Variants in PCDH7 observed in about 807,000 individuals in gnomAD.
PCDH7 encodes protocadherin 7.
PCDH7 carries 17 observed loss-of-function variants against 58.9 expected under a neutral mutation model. That is an observed-to-expected ratio of 0.29 (90% CI 0.20 to 0.43). PCDH7 has a LOEUF of 0.43. Ranked by LOEUF, PCDH7 falls within the 20% of genes least tolerant of loss-of-function variation. The pLI, the probability that PCDH7 is intolerant of heterozygous loss-of-function variation, is 1.00. For synonymous variants in PCDH7, 664 were observed against 616.4 expected, an observed-to-expected ratio of 1.08 and a Z score of -1.14; for missense variants, 1,274 against 1,441.0, an observed-to-expected ratio of 0.88 and a Z score of 1.88.
chr4:30,854,629 T>C (rs1733220060), intron 1 of PCDH7, among the ~76,000 whole-genome samples: 1 of 152,036 alleles, frequency 6.6e-6, no homozygotes, highest in Admixed American at 6.6e-5. Context: ...CTTTGGGGGA[T>C]AAGCAGAAGG....
intron 1 of PCDH7, among the ~76,000 whole-genome samples, chr4:30,899,376 T>G (rs1739898580): frequency 6.6e-6 from 1 of 152,210 alleles, no homozygotes; most frequent in South Asian, 2.1e-4. Context: ...CTGGAAATTT[T>G]TGTTATATTC....
At chr4:30,878,679 G>A (rs574203615) in intron 1 of PCDH7, among the ~76,000 whole-genome samples, 4 of 152,020 alleles carry the variant, frequency 2.6e-5, no homozygotes, top group African/African-American at 4.8e-5. Context: ...CAAACCCCCC[G>A]TCTCTACTAA....
chr4:30,963,801 A>C (rs1352516613), intron 3 of PCDH7, among the ~76,000 whole-genome samples: 1 of 152,176 alleles, frequency 6.6e-6, no homozygotes. Context: ...GCCGAGGGAA[A>C]TTTTGACATG....
intron 1 of PCDH7, among the ~76,000 whole-genome samples, chr4:30,907,291 A>G (rs1741075119): frequency 6.6e-6 from 1 of 152,150 alleles, no homozygotes; most frequent in Non-Finnish European, 1.5e-5. Flanking sequence ...CTGCACAGCA[A>G]AAGAAACTAT....
At chr4:30,966,030 T>C (rs990150264) in intron 3 of PCDH7, among the ~76,000 whole-genome samples, 1 of 152,182 alleles carries the variant, frequency 6.6e-6, no homozygotes, top group Non-Finnish European at 1.5e-5. Flanking sequence ...GTAGATAACC[T>C]GGCCTTGTTA....
At chr4:31,091,959 G>A (rs972817138) in intron 3 of PCDH7, among the ~76,000 whole-genome samples, 2 of 151,870 alleles carry the variant, frequency 1.3e-5, no homozygotes, top group Non-Finnish European at 2.9e-5. Context: ...TCTGAAGTAC[G>A]ATGATTTCCA....
At chr4:31,056,558 G>A (rs1012957588) in intron 3 of PCDH7, among the ~76,000 whole-genome samples, 2 of 149,074 alleles carry the variant, frequency 1.3e-5, no homozygotes, top group African/African-American at 4.9e-5. Flanking sequence ...GAGAGAGAGA[G>A]GAAGGGAAGG....
intron 1 of PCDH7, among the ~76,000 whole-genome samples, chr4:30,820,828 A>G (rs755451868): frequency 5.9e-5 from 9 of 152,152 alleles, no homozygotes; most frequent in Non-Finnish European, 8.8e-5. Context: ...GCGATGACAC[A>G]TGAAGAAAAT....
chr4:30,824,860 T>C (rs539293394), intron 1 of PCDH7, among the ~76,000 whole-genome samples: 1 of 152,154 alleles, frequency 6.6e-6, no homozygotes, highest in Non-Finnish European at 1.5e-5. Context: ...ATCTGTGTTG[T>C]AGGAAAATAA....
chr4:31,041,759 T>A (rs1755887615), intron 3 of PCDH7, among the ~76,000 whole-genome samples: 1 of 152,160 alleles, frequency 6.6e-6, no homozygotes, highest in Non-Finnish European at 1.5e-5. Flanking sequence ...TGCTTCTTTA[T>A]GATGAAGATG....
intron 1 of PCDH7, among the ~76,000 whole-genome samples, chr4:30,905,480 C>A (rs914301494): frequency 2.7e-5 from 4 of 150,902 alleles, no homozygotes; most frequent in South Asian, 4.2e-4. Context: ...CAAAAAAAAA[C>A]CACAAAAATA....
At position 31,020,835 on chromosome 4, in the gene PCDH7, T is replaced by A. The variant is rs529890473; in HGVS notation, c.*7+70620T>A. On this transcript the variant is annotated intron_variant, in intron 3 of 3. Transcript: ENST00000509759. ...AATGCAGGGCTGTATATATTCCCAC[T>A]GTGAAATCCATGTTTGATTAGGATT... Among the ~76,000 whole-genome samples the A allele has an allele frequency of 3.3e-5, 5 of 152,334 alleles. No individual in the cohort carries two copies. In the East Asian group the frequency reaches 9.7e-4, roughly 29 times the overall value.
intron 1 of PCDH7, among the ~76,000 whole-genome samples, chr4:30,842,835 G>A (rs972570434): frequency 6.6e-6 from 1 of 152,142 alleles, no homozygotes; most frequent in African/African-American, 2.4e-5. Flanking sequence ...GCAGCAGGGG[G>A]CACGTTGGAT....
chr4:31,114,147 T>A (rs1716702031), intron 3 of PCDH7, among the ~76,000 whole-genome samples: 1 of 152,152 alleles, frequency 6.6e-6, no homozygotes, highest in Admixed American at 6.5e-5. Flanking sequence ...AATTTAAGCA[T>A]TTTTAATCTA....
intron 3 of PCDH7, among the ~76,000 whole-genome samples, chr4:31,082,311 T>C (rs1211460367): frequency 6.6e-6 from 1 of 152,204 alleles, no homozygotes; most frequent in African/African-American, 2.4e-5. Context: ...TTAAGACTAG[T>C]GTAAGGTGAG....
intron 1 of PCDH7, among the ~76,000 whole-genome samples, chr4:30,887,633 T>C (rs1389602113): frequency 6.6e-6 from 1 of 152,208 alleles, no homozygotes; most frequent in East Asian, 1.9e-4. Context: ...TAAACAAGTG[T>C]GATTACAATT....
intron 3 of PCDH7, among the ~76,000 whole-genome samples, chr4:31,111,178 A>G (rs1051508467): frequency 2.6e-5 from 4 of 152,178 alleles, no homozygotes; most frequent in African/African-American, 4.8e-5. Context: ...CTGCAAACAA[A>G]TATCCTTGAT....
intron 3 of PCDH7, among the ~76,000 whole-genome samples, chr4:31,095,797 T>C (rs1713893333): frequency 6.6e-6 from 1 of 152,208 alleles, no homozygotes; most frequent in Admixed American, 6.5e-5. Context: ...TGTTAATTTA[T>C]GGGCTTTCTC....
At chr4:30,956,741 T>C (rs1375743863) in intron 3 of PCDH7, among the ~76,000 whole-genome samples, 3 of 152,220 alleles carry the variant, frequency 2.0e-5, no homozygotes, top group Non-Finnish European at 4.4e-5. Flanking sequence ...ACACTTGTGA[T>C]CCAGATTTTC....
Sources: allele counts gnomAD v4.1 joint callset (sites outside exome capture counted in the v4.1 genomes callset), GRCh38; gene constraint gnomAD v4.1.1; transcripts MANE v1.5; gene names NCBI Gene and HGNC (gene_info 2026-07-23, HGNC 2026-07-21).